Variants in COL2A1 observed in about 807,000 individuals in gnomAD.
The protein encoded by COL2A1 is collagen alpha-1(II) chain.
Under a neutral mutation model 204.5 loss-of-function variants are expected in COL2A1, and 28 were observed. The observed-to-expected ratio is 0.14, with a 90% CI of 0.10 to 0.19. The LOEUF (loss-of-function observed/expected upper bound fraction) is 0.19. Ranked by LOEUF, COL2A1 falls within the 10% of genes least tolerant of loss-of-function variation. COL2A1 has a pLI of 1.00. For missense variants in COL2A1, 1,388 were observed against 2,027.5 expected, an observed-to-expected ratio of 0.68 and a Z score of 6.06; for synonymous variants, 708 against 718.7, an observed-to-expected ratio of 0.99 and a Z score of 0.24.
intron 16 of COL2A1, among the ~76,000 whole-genome samples, chr12:47,991,786 A>G (rs892038360): frequency 1.3e-5 from 2 of 152,202 alleles, no homozygotes; most frequent in South Asian, 2.1e-4. Flanking sequence ...AAAGGCCACA[A>G]GCCAGCATCC....
Position 47,982,488 on chromosome 12 carries a change from A to G in COL2A1, c.2301+14T>C. On this transcript the variant is annotated intron_variant, in intron 34 of 53. Coordinates refer to ENST00000380518, the MANE Select transcript of COL2A1 (RefSeq NM_001844.5). Reference sequence around the variant, plus strand: ...GCCACAGCTTTGGTGAGAGGCTGTAACCTCAGTACTTACCCTGTCGCCTTT... The same window carrying G: ...GCCACAGCTTTGGTGAGAGGCTGTAGCCTCAGTACTTACCCTGTCGCCTTT... The G allele has an allele frequency of 6.2e-7, 1 of 1,602,028 alleles. No individual in the cohort carries two copies. The highest frequency in any genetic ancestry group is 8.6e-7 in the Non-Finnish European group (1 of 1,169,294).
In COL2A1 at chr12:47,984,546, C is replaced by T; in HGVS notation, c.1887G>A (p.Arg629=). ...EKGLPGAPGL[R]GLPGKDGETG... is the part of the protein sequence containing the mutation. The stretch of plus-strand genomic sequence containing the variant: ...ATGGGCAGCGGGGAAGGATACTTAC[C>T]CTCAGACCAGGAGCACCAGGCAGTC... The change falls in exon 28 of 54, where the codon AGG becomes AGA. Residue 629 remains arginine (R), a splice_region_variant and synonymous_variant. Transcript: ENST00000380518. 6.2e-7 allele frequency: 1 copy of T among 1,614,104 alleles called. No individual in the cohort carries two copies.
chr12:48,000,145 G>C lies in COL2A1; in HGVS notation c.86-20C>G, dbSNP rs781187677. Reference sequence around the variant, plus strand: ...CCTCCTCTGCACCAAGGGTGGGGAGGGAGAAGCAGAGAGCCAAGGGAAGGA... The same window carrying C: ...CCTCCTCTGCACCAAGGGTGGGGAGCGAGAAGCAGAGAGCCAAGGGAAGGA... On this transcript the variant is annotated intron_variant, in intron 1 of 53. Transcript: ENST00000380518. 15 of 1,594,366 alleles carry C rather than the reference G, an allele frequency of 9.4e-6. No homozygotes were observed. Among genetic ancestry groups the C allele is most frequent in the Non-Finnish European group, 1.3e-5 (15 of 1,164,948 alleles).
Position 47,981,992 on chromosome 12 carries a change from G to A in COL2A1, c.2355+115C>T, listed in dbSNP as rs55865744. On this transcript the variant is annotated intron_variant, in intron 35 of 53. Transcript: ENST00000380518. ...GAAGTCCCTGCAGTTGCCCAGCCCC[G>A]ACAGAGACAGGACCAGGGACCCCAG... 2.5e-3 allele frequency: 3,224 copies of A among 1,310,942 alleles called. 10 individuals are homozygous for A. Among genetic ancestry groups the A allele is most frequent in the Middle Eastern group, 4.3e-3 (24 of 5,530 alleles). The allele number at this position is 1,310,942 out of a possible 1,614,324, so 81.2% of individuals were successfully genotyped here. A position where few individuals can be genotyped will look rare whatever the true frequency, so the allele number is the denominator to read the frequency against.
At chr12:47,977,767 C>A (rs1413783272) in intron 44 of COL2A1, 114 bp from the exon 45 acceptor site, 17 of 1,226,588 alleles carry the variant, frequency 1.4e-5, no homozygotes, top group Admixed American at 7.9e-5. Flanking sequence ...AACTCACTCA[C>A]ACTTTGAAGC....
chr12:47,989,148 G>T lies in COL2A1; in HGVS notation c.1122+80C>A, dbSNP rs965481509. The T allele has an allele frequency of 4.1e-6, 5 of 1,206,754 alleles. No individual in the cohort carries two copies. In the African/African-American group the frequency reaches 5.9e-5, roughly 14 times the overall value. The allele number at this position is 1,206,754 out of a possible 1,614,324, so 74.8% of individuals were successfully genotyped here. ...TCAGAAGGGAGCAGGTGGTTGTTGA[G>T]GGAGCAATGAGCAAGGGTTACGGGG... is the stretch of plus-strand genomic sequence containing the variant. On this transcript the variant is annotated intron_variant, in intron 18 of 53. Coordinates refer to ENST00000380518, the MANE Select transcript of COL2A1 (RefSeq NM_001844.5).
rs887129196 is a variant in COL2A1, at chr12:47,995,886, C to T, written c.643G>A (p.Ala215Thr). 1.2e-6 allele frequency: 2 copies of T among 1,613,488 alleles called. No homozygotes were observed. The highest frequency in any genetic ancestry group is 1.3e-5 in the African/African-American group (1 of 74,904). ...PMGPRGPPGPAGAPGPQGFQG... is the reference protein window; with the variant it reads ...PMGPRGPPGPTGAPGPQGFQG... ...TTGCAGATACTTACAGGAGCACCTG[C>T]AGGGCCTGGAGGTCCTCGAGGTCCC... The change falls in exon 9 of 54, where the codon GCA becomes ACA. Residue 215 changes from alanine to threonine, a missense_variant. Transcript: ENST00000380518.
At chr12:48,002,143 G>A (rs188192046) in intron 1 of COL2A1, among the ~76,000 whole-genome samples, 6 of 152,206 alleles carry the variant, frequency 3.9e-5, no homozygotes, top group East Asian at 1.9e-4. Context: ...AAATAAATAC[G>A]GGCAGCGTTT....
chr12:48,004,243 C>G lies in COL2A1; in HGVS notation c.79G>C (p.Asp27His). 6.5e-7 allele frequency: 1 copy of G among 1,549,080 alleles called. No homozygotes were observed. The highest frequency in any genetic ancestry group is 1.2e-5 in the South Asian group (1 of 83,988). The change falls in exon 1 of 54, where the codon GAT becomes CAT. Residue 27 changes from aspartate to histidine, a missense_variant. Transcript: ENST00000380518. ...VAAVLRCQGQ[D>H]VQEAGSCVQD... ...GGGGCGGGGGAAGACTTACGGACAT[C>G]CTGGCCCTGACACCGAAGGACAGCG...
At position 47,976,393 on chromosome 12, in the gene COL2A1, A is replaced by G; in HGVS notation, c.3489+121T>C. On this transcript the variant is annotated intron_variant, in intron 49 of 53. Transcript: ENST00000380518. The surrounding 1 kb of genome is among the most constrained non-coding windows in gnomAD (Gnocchi z 4.3). ...CACATGAGCCAGTCCTGCCCCCATT[A>G]CTGAGTGAGGACCCCTGAGCCCACA... 1 of 1,130,586 alleles carries G rather than the reference A, an allele frequency of 8.8e-7. No individual in the cohort carries two copies. The highest frequency in any genetic ancestry group is 1.3e-6 in the Non-Finnish European group (1 of 748,420). The allele number at this position is 1,130,586 out of a possible 1,614,324, so 70.0% of individuals were successfully genotyped here.
chr12:47,990,030 C>T (rs746838617), intron 16 of COL2A1, among the ~76,000 whole-genome samples: 2 of 152,086 alleles, frequency 1.3e-5, no homozygotes, highest in South Asian at 2.1e-4. Flanking sequence ...GTTTTTGAGA[C>T]GGAGTCTGGC....
At chr12:48,000,643 C>T (rs1358039009) in intron 1 of COL2A1, among the ~76,000 whole-genome samples, 3 of 152,152 alleles carry the variant, frequency 2.0e-5, no homozygotes, top group Non-Finnish European at 4.4e-5. Flanking sequence ...TGACAACTAA[C>T]ATTCAGAGGG....
intron 4 of COL2A1, 23 bp from the exon 5 acceptor site, chr12:47,998,087 A>G: frequency 1.9e-6 from 3 of 1,614,202 alleles, no homozygotes; most frequent in South Asian, 1.1e-5. Context: ...GCCCCACAGG[A>G]TGGTAAGTTA....
At chr12:48,002,196 A>G (rs965056088) in intron 1 of COL2A1, among the ~76,000 whole-genome samples, 11 of 152,146 alleles carry the variant, frequency 7.2e-5, no homozygotes, top group African/African-American at 2.4e-4. Context: ...CCCAATGCAA[A>G]CAAGCCTCAC....
At chr12:47,979,936 C>CA (rs1555165755) in intron 40 of COL2A1, 73 bp downstream of exon 40, 1 of 1,223,882 alleles carries the variant, frequency 8.2e-7, no homozygotes, top group Non-Finnish European at 1.1e-6. Flanking sequence ...TCCCAGAACA[C>CA]CCCCGCCATG....
Position 47,982,841 on chromosome 12 carries a change from C to T in COL2A1, c.2193+7G>A. 1.2e-6 allele frequency: 2 copies of T among 1,609,416 alleles called. No homozygotes were observed. Among genetic ancestry groups the T allele is most frequent in the Non-Finnish European group, 1.7e-6 (2 of 1,179,076 alleles). ...CGAAGACCCCTACAGGATGCAGCCT[C>T]ACTTACTTTGGGACCATCAGTGCCA... On this transcript the variant is annotated splice_region_variant and intron_variant, in intron 33 of 53. Coordinates refer to ENST00000380518, the MANE Select transcript of COL2A1 (RefSeq NM_001844.5).
chr12:47,997,558 A>G, intron 7 of COL2A1, 48 bp downstream of exon 7: 1 of 1,613,596 alleles, frequency 6.2e-7, no homozygotes, highest in Admixed American at 1.7e-5. Flanking sequence ...TTTAAAAGCC[A>G]CATTTCTGGA....
chr12:47,981,723 AAGG>A (rs1413219215), intron 36 of COL2A1, 50 bp downstream of exon 36: 8 of 1,520,172 alleles, frequency 5.3e-6, no homozygotes, highest in South Asian at 2.4e-5. Context: ...AGGAGATAAG[AAGG>A]AGGTGTGACA....
chr12:47,995,188 A>G, intron 11 of COL2A1, 67 bp downstream of exon 11: 1 of 1,440,476 alleles, frequency 6.9e-7, no homozygotes. Context: ...TCACTCCCCA[A>G]GCACACACCC....
Sources: gnomAD v4.1 joint callset for allele counts (sites outside exome capture counted in the v4.1 genomes callset) on GRCh38, gnomAD v4.1.1 for gene constraint, Gnocchi (gnomAD v3.1) non-coding constraint, MANE v1.5 for transcripts, NCBI Gene and HGNC (gene_info 2026-07-23, HGNC 2026-07-21) for gene names.